DOCK7: variants seen among roughly 807,000 people sequenced by gnomAD.
DOCK7 encodes dedicator of cytokinesis protein 7.
A neutral mutation model predicts 271.0 loss-of-function variants in DOCK7; 138 were observed. That is an observed-to-expected ratio of 0.51 (90% CI 0.44 to 0.59). DOCK7 has a LOEUF of 0.59. DOCK7 is among the 20% of genes least tolerant of loss of function. The pLI is 0.00. For missense variants in DOCK7, 2,066 were observed against 2,592.4 expected, an observed-to-expected ratio of 0.80 and a Z score of 4.41; for synonymous variants, 823 against 876.1, an observed-to-expected ratio of 0.94 and a Z score of 1.07.
intron 27 of DOCK7, among the ~76,000 whole-genome samples, chr1:62,539,332 C>T (rs1258862146): frequency 6.6e-6 from 1 of 152,160 alleles, no homozygotes; most frequent in Non-Finnish European, 1.5e-5. Context: ...GAAATACTGG[C>T]TGTACTGATA....
rs200981123 is a variant in DOCK7, at chr1:62,625,319, A to T, written c.1365T>A (p.Asp455Glu). The change falls in exon 12 of 50, where the codon GAT becomes GAA. Residue 455 changes from aspartate to glutamate, a missense_variant. Asp to Glu is a conservative substitution (Grantham distance 45, BLOSUM62 2). Coordinates refer to ENST00000635253, the MANE Select transcript of DOCK7 (RefSeq NM_001367561.1). ...RSLERTTSGD[D>E]ACNLTSFRPA... ...GTCGAAAGCTCGTCAAGTTACAAGCATCATCTCCACTTGTTGTCCTTTCAA... is the reference window on the plus strand; with the variant it reads ...GTCGAAAGCTCGTCAAGTTACAAGCTTCATCTCCACTTGTTGTCCTTTCAA... 6.2e-7 allele frequency: 1 copy of T among 1,613,998 alleles called. No homozygotes were observed. Among genetic ancestry groups the T allele is most frequent in the Admixed American group, 1.7e-5 (1 of 60,016 alleles).
intron 14 of DOCK7, among the ~76,000 whole-genome samples, chr1:62,611,991 A>C (rs932904523): frequency 3.8e-4 from 20 of 53,080 alleles, no homozygotes; most frequent in African/African-American, 2.4e-3. Flanking sequence ...GTAAAAATAC[A>C]AAAAAAAAAA....
At chr1:62,647,582 C>T in intron 7 of DOCK7, 109 bp downstream of exon 7, 1 of 749,122 alleles carries the variant, frequency 1.3e-6, no homozygotes, top group Non-Finnish European at 2.3e-6. Flanking sequence ...AACAATACTT[C>T]TCAAAAGGAC....
chr1:62,604,564 C>T (rs1324363474), intron 14 of DOCK7: 27 of 1,472,538 alleles, frequency 1.8e-5, no homozygotes, highest in East Asian at 1.1e-4. Context: ...GATAAACTTA[C>T]GGGGAAATAC....
chr1:62,486,441 T>C (rs927205833), intron 43 of DOCK7: 16 of 152,078 alleles, frequency 1.1e-4, no homozygotes, highest in Admixed American at 9.8e-4. Flanking sequence ...ACTTTACAAA[T>C]ATACCTAGCT....
chr1:62,551,872 CAT>C (rs549662240), intron 22 of DOCK7, among the ~76,000 whole-genome samples: 2 of 150,954 alleles, frequency 1.3e-5, no homozygotes, highest in African/African-American at 2.4e-5. Flanking sequence ...AAAATCATTA[CAT>C]ATATATATAG....
chr1:62,553,297 T>A (rs2149423606), intron 21 of DOCK7, among the ~76,000 whole-genome samples: 1 of 136,382 alleles, frequency 7.3e-6, no homozygotes, highest in African/African-American at 2.7e-5. Flanking sequence ...CAGGGTCTTC[T>A]AAATAAAAAG....
At chr1:62,637,572 A>AT (rs1342054776) in intron 7 of DOCK7, among the ~76,000 whole-genome samples, 1 of 152,228 alleles carries the variant, frequency 6.6e-6, no homozygotes, top group Non-Finnish European at 1.5e-5. Flanking sequence ...TAGACAAAAA[A>AT]GTCAATAGTG....
intron 1 of DOCK7, among the ~76,000 whole-genome samples, chr1:62,678,000 C>T (rs1241604915): frequency 6.6e-6 from 1 of 152,148 alleles, no homozygotes; most frequent in Non-Finnish European, 1.5e-5. Flanking sequence ...TGGTGGTGCA[C>T]ACCTGTAGTT....
intron 4 of DOCK7, among the ~76,000 whole-genome samples, chr1:62,653,251 T>A (rs561066510): frequency 3.8e-4 from 58 of 152,170 alleles, no homozygotes; most frequent in Non-Finnish European, 7.4e-4. Context: ...AAAACATTAT[T>A]TTTTACAAAT....
chr1:62,586,422 G>T, intron 15 of DOCK7, 85 bp downstream of exon 15: 2 of 900,142 alleles, frequency 2.2e-6, no homozygotes, highest in Non-Finnish European at 3.4e-6. Context: ...TTAATTTCCA[G>T]GTTGCAGTTG....
intron 31 of DOCK7, among the ~76,000 whole-genome samples, chr1:62,520,405 G>GA (rs1474503682): frequency 1.3e-5 from 2 of 151,682 alleles, no homozygotes; most frequent in Non-Finnish European, 2.9e-5. Context: ...AAATTTACAA[G>GA]GAAAAAACAA....
intron 14 of DOCK7, chr1:62,606,053 AT>A (rs1048563352): frequency 5.9e-5 from 9 of 152,018 alleles, no homozygotes; most frequent in African/African-American, 1.9e-4. Flanking sequence ...TGTCATATAT[AT>A]TTTTATATGT....
intron 19 of DOCK7, among the ~76,000 whole-genome samples, chr1:62,559,689 T>C (rs188827277): frequency 5.4e-4 from 82 of 152,186 alleles, no homozygotes; most frequent in Admixed American, 1.4e-3. Flanking sequence ...AGCATAGAGG[T>C]GCTGTATCTT....
In DOCK7 at chr1:62,633,581, G is replaced by A. The variant is rs1272459327; in HGVS notation, c.1036-3C>T. The A allele has an allele frequency of 1.2e-6, 2 of 1,608,196 alleles. No homozygotes were observed. Among genetic ancestry groups the A allele is most frequent in the South Asian group, 1.1e-5 (1 of 90,178 alleles). ...CCTTGCTGTAGGACTTTTTCTAGCT[G>A]TCAAAGGCAAAAAAAGTTAAGATTA... On this transcript the variant is annotated splice_region_variant and splice_polypyrimidine_tract_variant and intron_variant, in intron 9 of 49. Coordinates refer to ENST00000635253, the MANE Select transcript of DOCK7 (RefSeq NM_001367561.1).
intron 7 of DOCK7, among the ~76,000 whole-genome samples, chr1:62,644,442 T>A (rs1276992082): frequency 6.6e-6 from 1 of 152,192 alleles, no homozygotes; most frequent in African/African-American, 2.4e-5. Context: ...ATTTCCATCC[T>A]CCTTGCATGC....
chr1:62,529,459 A>G lies in DOCK7; in HGVS notation c.3612-13T>C. On this transcript the variant is annotated splice_polypyrimidine_tract_variant and intron_variant, in intron 29 of 49. Coordinates refer to ENST00000635253, the MANE Select transcript of DOCK7 (RefSeq NM_001367561.1). ...CAATCCAAACAGTCTATTTAAAAAGAAGAAGACAAAGAAGAAAAAGCAGTA... is the reference window on the plus strand; with the variant it reads ...CAATCCAAACAGTCTATTTAAAAAGGAGAAGACAAAGAAGAAAAAGCAGTA... The G allele has an allele frequency of 3.8e-6, 6 of 1,585,998 alleles. No individual in the cohort carries two copies. The highest frequency in any genetic ancestry group is 5.1e-6 in the Non-Finnish European group (6 of 1,167,074).
chr1:62,463,329 T>C (rs370635811), intron 48 of DOCK7, among the ~76,000 whole-genome samples: 1 of 152,164 alleles, frequency 6.6e-6, no homozygotes, highest in African/African-American at 2.4e-5. Flanking sequence ...ATATCAAGTA[T>C]TGGTTAGGAT....
intron 10 of DOCK7, among the ~76,000 whole-genome samples, chr1:62,631,976 T>C (rs1408043030): frequency 6.6e-6 from 1 of 152,230 alleles, no homozygotes; most frequent in Non-Finnish European, 1.5e-5. Context: ...AAATATTTAA[T>C]AGTACAAGCA....
Sources: allele counts gnomAD v4.1 joint callset (sites outside exome capture counted in the v4.1 genomes callset), GRCh38; gene constraint gnomAD v4.1.1; transcripts MANE v1.5; gene names NCBI Gene and HGNC (gene_info 2026-07-23, HGNC 2026-07-21).